The following STK11IP variants were observed in gnomAD, a reference collection of about 807,000 sequenced individuals.
The protein encoded by STK11IP is serine/threonine kinase 11 interacting protein.
Under a neutral mutation model 131.7 loss-of-function variants are expected in STK11IP, and 103 were observed. The ratio of observed to expected loss-of-function variants is 0.78; its 90% CI spans 0.67 to 0.92. STK11IP has a LOEUF of 0.92. Ranked by LOEUF, STK11IP falls within the 40% of genes least tolerant of loss-of-function variation. STK11IP has a pLI of 0.00. For missense variants in STK11IP, 1,315 were observed against 1,385.7 expected (o/e 0.95, Z 0.81); for synonymous variants, 557 against 575.6 (o/e 0.97, Z 0.46).
In STK11IP at chr2:219,601,622, G is replaced by GTTT. The variant is rs11405075; in HGVS notation, c.268-6_268-4dup. ...GATCTGCTGTGCCTCAGTAAATTGAGTTTTTTTTTTTTTTTCAGCTGGTCC... is the reference window on the plus strand; with the variant it reads ...GATCTGCTGTGCCTCAGTAAATTGAGTTTTTTTTTTTTTTTTTTCAGCTGGTCC... On this transcript the variant is annotated intron_variant, in intron 3 of 24. Transcript: ENST00000456909. 12,273 of 1,449,124 alleles carry GTTT rather than the reference G, an allele frequency of 8.5e-3. 9 individuals carry two copies. Among genetic ancestry groups the GTTT allele is most frequent in the South Asian group, 0.019 (1,431 of 76,836 alleles). 89.8% of individuals were successfully genotyped at this position (1,449,124 alleles called of 1,614,324 possible).
In STK11IP at chr2:219,609,491, G is replaced by A. The variant is rs771778697; in HGVS notation, c.2055G>A (p.Arg685=). 2 of 1,598,478 alleles carry A rather than the reference G, an allele frequency of 1.3e-6. No individual in the cohort carries two copies. The highest frequency in any genetic ancestry group is 3.5e-5 in the Admixed American group (2 of 57,498). ...CGHEFKPEEP[R]MGLDSEEGWR... is the part of the protein sequence containing the mutation. ...ATGAGTTCAAGCCAGAGGAGCCCAG[G>A]ATGGGATTAGACAGTGAGGAAGGCT... The change falls in exon 17 of 25, where the codon AGG becomes AGA. Residue 685 remains arginine, a synonymous_variant. Transcript: ENST00000456909.
intron 17 of STK11IP, among the ~76,000 whole-genome samples, chr2:219,610,362 A>C (rs567361014): frequency 6.6e-6 from 1 of 151,902 alleles, no homozygotes; most frequent in African/African-American, 2.4e-5. Flanking sequence ...TGGTGGCGTT[A>C]TTAATGAACA....
intron 13 of STK11IP, 144 bp downstream of exon 13, chr2:219,607,281 CT>C: frequency 1.2e-6 from 1 of 817,646 alleles, no homozygotes; most frequent in Non-Finnish European, 1.9e-6. Flanking sequence ...TTTTTCTTTT[CT>C]TTTAGTTTAG....
At chr2:219,612,943 G>T in intron 19 of STK11IP, 185 bp from the exon 20 acceptor site, 1 of 579,748 alleles carries the variant, frequency 1.7e-6, no homozygotes, top group Non-Finnish European at 3.1e-6. Context: ...GAGCGGGCAG[G>T]GGCTGCAAGG....
intron 15 of STK11IP, 72 bp from the exon 16 acceptor site, chr2:219,609,025 C>A: frequency 8.1e-7 from 1 of 1,239,654 alleles, no homozygotes; most frequent in Non-Finnish European, 1.2e-6. Context: ...ATCCTCCATG[C>A]TCTCAGCATC....
rs1233439517 is a variant in STK11IP, at chr2:219,609,563, C to G, written c.2104+23C>G. ...CAGGTACAAGTCCTGCCCTTGACCT[C>G]TCTGCCCACACGCCTCCCCTGTTCC... On this transcript the variant is annotated intron_variant, in intron 17 of 24. Coordinates refer to ENST00000456909, the MANE Select transcript of STK11IP (RefSeq NM_052902.4). The G allele has an allele frequency of 1.9e-6, 3 of 1,552,534 alleles. No individual in the cohort carries two copies. The Admixed American group carries it at 5.9e-5, about 30-fold the overall frequency.
intron 7 of STK11IP, 198 bp from the exon 8 acceptor site, chr2:219,605,410 G>GCCAT (rs1698117981): frequency 1.8e-6 from 1 of 541,412 alleles, no homozygotes; most frequent in Admixed American, 3.1e-5. Context: ...CTCAGGGTGT[G>GCCAT]GCCTTGAACT....
In STK11IP at chr2:219,616,446, C is replaced by T. The variant is rs1698570438; in HGVS notation, c.*253C>T. 2.2e-6 allele frequency: 1 copy of T among 462,488 alleles called. No homozygotes were observed. The highest frequency in any genetic ancestry group is 3.9e-6 in the Non-Finnish European group (1 of 255,458). 28.6% of individuals were successfully genotyped at this position (462,488 alleles called of 1,614,324 possible). A position where few individuals can be genotyped will look rare whatever the true frequency, so the allele number is the denominator to read the frequency against. On this transcript the variant is annotated 3_prime_UTR_variant, in exon 25 of 25. Transcript: ENST00000456909. Reference sequence around the variant, plus strand: ...CAGGTATCAATAAAGTTGTTTCCAACTCATAGGTCATGTGTGGTACTTAGA... The same window carrying T: ...CAGGTATCAATAAAGTTGTTTCCAATTCATAGGTCATGTGTGGTACTTAGA...
At position 219,608,740 on chromosome 2, in the gene STK11IP, A is replaced by C; in HGVS notation, c.1761A>C (p.Ala587=). Residue 587 remains alanine, a synonymous_variant, in exon 15 of 25, where the codon GCA becomes GCC. Transcript: ENST00000456909. ...LERLELQSLE[A]AEIEPEAQAQ... is the part of the protein sequence containing the mutation. ...GACTGGAGCTCCAGAGTCTGGAGGC[A>C]GCTGAGATAGAGCCGGAGGCCCAGG... The C allele has an allele frequency of 6.2e-7, 1 of 1,612,372 alleles. No homozygotes were observed. Among genetic ancestry groups the C allele is most frequent in the East Asian group, 2.2e-5 (1 of 44,846 alleles).
At chr2:219,602,114 C>A in intron 5 of STK11IP, 31 bp downstream of exon 5, 1 of 1,501,858 alleles carries the variant, frequency 6.7e-7, no homozygotes, top group Non-Finnish European at 9.1e-7. Context: ...GCTCAGACAC[C>A]TCAACTTGAG....
At chr2:219,609,797 T>G (rs1275987891) in intron 17 of STK11IP, 3 of 429,306 alleles carry the variant, frequency 7.0e-6, no homozygotes, top group Non-Finnish European at 1.3e-5. Flanking sequence ...TCTGTAACTG[T>G]GCTTAAACAT....
chr2:219,608,216 C>T lies in STK11IP; in HGVS notation c.1389C>T (p.Pro463=), dbSNP rs200048162. The change falls in exon 14 of 25, where the codon CCC becomes CCT. Residue 463 remains proline, a synonymous_variant. Transcript: ENST00000456909. ...PSAPPASSQG[P]DTAPRPSPPQ... ...CACCTCCAGCCAGCTCCCAGGGCCCCGACACTGCACCCAGACCTTCACCCC... is the reference window on the plus strand; with the variant it reads ...CACCTCCAGCCAGCTCCCAGGGCCCTGACACTGCACCCAGACCTTCACCCC... The T allele has an allele frequency of 5.8e-5, 93 of 1,613,604 alleles. No homozygotes were observed. The African/African-American group carries it at 8.5e-4, about 15-fold the overall frequency.
intron 2 of STK11IP, 158 bp downstream of exon 2, chr2:219,598,338 C>T: frequency 1.7e-6 from 1 of 579,056 alleles, no homozygotes; most frequent in Non-Finnish European, 2.9e-6. Flanking sequence ...TTCGCCCTTA[C>T]AGTGTCCTTT....
intron 17 of STK11IP, 83 bp from the exon 18 acceptor site, chr2:219,611,521 A>G (rs1260889619): frequency 8.3e-7 from 1 of 1,210,564 alleles, no homozygotes; most frequent in Non-Finnish European, 1.2e-6. Flanking sequence ...AGACCTGAGC[A>G]TGGGGAAGGA....
In STK11IP at chr2:219,604,944, C is replaced by T. The variant is rs1372954449; in HGVS notation, c.619-664C>T. Among the ~76,000 whole-genome samples, 3 of 152,258 alleles carry T rather than the reference C, an allele frequency of 2.0e-5. 1 individual carries two copies. In the South Asian group the frequency reaches 6.2e-4, roughly 32 times the overall value. On this transcript the variant is annotated intron_variant, in intron 7 of 24. Transcript: ENST00000456909. Reference sequence around the variant, plus strand: ...TCCCGGGTTCAAGCGATTCTCCTGCCTCAGCCTCCCAAGTAGCTGGGATTA... The same window carrying T: ...TCCCGGGTTCAAGCGATTCTCCTGCTTCAGCCTCCCAAGTAGCTGGGATTA...
rs780065275 is a variant in STK11IP at position 219,601,279 on chromosome 2, C to T, written c.106C>T (p.Pro36Ser). 6 of 1,613,936 alleles carry T rather than the reference C, an allele frequency of 3.7e-6. No homozygotes were observed. Among genetic ancestry groups the T allele is most frequent in the East Asian group, 2.2e-5 (1 of 44,906 alleles). ...CTGTAGCACCCTGAGCCTGCTGACT[C>T]CCACACTGCAACAGCTGAACCACGT... ...SGCSTLSLLT[P>S]TLQQLNHVFE... The change falls in exon 3 of 25, where the codon CCC (proline) becomes TCC (serine). Residue 36 changes from proline (P) to serine (S), a missense_variant. By Grantham distance (74) the Pro-to-Ser change is moderately conservative. Coordinates refer to ENST00000456909, the MANE Select transcript of STK11IP (RefSeq NM_052902.4).
At position 219,601,985 on chromosome 2, in the gene STK11IP, C is replaced by G. The variant is rs1698001105; in HGVS notation, c.343-3C>G. 2 of 1,608,032 alleles carry G rather than the reference C, an allele frequency of 1.2e-6. No individual in the cohort carries two copies. Among genetic ancestry groups the G allele is most frequent in the African/African-American group, 1.3e-5 (1 of 74,902 alleles). On this transcript the variant is annotated splice_polypyrimidine_tract_variant and splice_region_variant and intron_variant, in intron 4 of 24. Transcript: ENST00000456909. ...CTTCCTCCCTCCTCTTTCCTTGTCC[C>G]AGCTCCGAGGTGTTCCCCTCCACTG...
In STK11IP at chr2:219,611,843, A is replaced by T; in HGVS notation, c.2335+9A>T. On this transcript the variant is annotated intron_variant, in intron 18 of 24. Transcript: ENST00000456909. Reference sequence around the variant, plus strand: ...TTGGAGCCTCAGTCCCCGTGAGTATAGGCAAAACAAGACATAGATGAGTTT... The same window carrying T: ...TTGGAGCCTCAGTCCCCGTGAGTATTGGCAAAACAAGACATAGATGAGTTT... The T allele has an allele frequency of 6.2e-7, 1 of 1,606,278 alleles. No individual in the cohort carries two copies. Among genetic ancestry groups the T allele is most frequent in the Non-Finnish European group, 8.5e-7 (1 of 1,176,560 alleles).
At position 219,607,154 on chromosome 2, in the gene STK11IP, C is replaced by T. The variant is rs977277125; in HGVS notation, c.1219+17C>T. 5.0e-6 allele frequency: 8 copies of T among 1,612,176 alleles called. No individual in the cohort carries two copies. The highest frequency in any genetic ancestry group is 2.2e-5 in the East Asian group (1 of 44,884). Reference sequence around the variant, plus strand: ...CTCCGGCTGGTAAGTCAGCTTCATCCCACTAACCTCTCTCGTCCCCAGCGA... The same window carrying T: ...CTCCGGCTGGTAAGTCAGCTTCATCTCACTAACCTCTCTCGTCCCCAGCGA... On this transcript the variant is annotated intron_variant, in intron 13 of 24. Transcript: ENST00000456909.
Sources: allele counts gnomAD v4.1 joint callset (sites outside exome capture counted in the v4.1 genomes callset), GRCh38; gene constraint gnomAD v4.1.1; transcripts MANE v1.5; gene names NCBI Gene and HGNC (gene_info 2026-07-23, HGNC 2026-07-21).